Variants in WARS2 observed in about 807,000 individuals in gnomAD.
WARS2 encodes tryptophan--tRNA ligase, mitochondrial.
Under a neutral mutation model 36.5 loss-of-function variants are expected in WARS2, and 28 were observed. The ratio of observed to expected loss-of-function variants is 0.77; its 90% CI spans 0.57 to 1.05. The LOEUF (loss-of-function observed/expected upper bound fraction) is 1.05, where lower values mean the gene tolerates loss of function less well. Among genes scored for constraint, WARS2 ranks in the 50% least tolerant of loss-of-function variants. The pLI, the probability that WARS2 is intolerant of heterozygous loss-of-function variation, is 0.00. For synonymous variants in WARS2, 174 were observed against 178.4 expected, an observed-to-expected ratio of 0.98 and a Z score of 0.20; for missense variants, 435 against 456.8, an observed-to-expected ratio of 0.95 and a Z score of 0.44.
chr1:119,091,860 T>C (rs1168925251), intron 1 of WARS2, among the ~76,000 whole-genome samples: 1 of 152,220 alleles, frequency 6.6e-6, no homozygotes, highest in Non-Finnish European at 1.5e-5. Context: ...GAAGCCGCTG[T>C]GCTGAGGACA....
At chr1:119,037,166 G>T (rs1647955069) in intron 4 of WARS2, among the ~76,000 whole-genome samples, 1 of 151,352 alleles carries the variant, frequency 6.6e-6, no homozygotes, top group Non-Finnish European at 1.5e-5. Context: ...AAGTTACTCT[G>T]ACTGTGCTTT....
At chr1:119,033,987 G>T in intron 5 of WARS2, 108 bp downstream of exon 5, 1 of 891,054 alleles carries the variant, frequency 1.1e-6, no homozygotes, top group Non-Finnish European at 1.8e-6. Context: ...CCTGAAGCCT[G>T]TCTACAAGAA....
At chr1:119,090,416 T>A (rs1269804786) in intron 1 of WARS2, among the ~76,000 whole-genome samples, 2 of 152,168 alleles carry the variant, frequency 1.3e-5, no homozygotes, top group Admixed American at 1.3e-4. Context: ...GAAGGTTCTA[T>A]ATAGACATTT....
intron 3 of WARS2, among the ~76,000 whole-genome samples, chr1:119,045,241 A>G (rs1258265534): frequency 6.6e-6 from 1 of 152,174 alleles, no homozygotes; most frequent in East Asian, 1.9e-4. Flanking sequence ...AGTTAATTCC[A>G]GTGGAAATGG....
At chr1:119,057,503 A>G (rs540736080) in intron 2 of WARS2, among the ~76,000 whole-genome samples, 4 of 151,792 alleles carry the variant, frequency 2.6e-5, no homozygotes, top group African/African-American at 4.8e-5. Flanking sequence ...TTAAAATATT[A>G]GCATGGCCGA....
chr1:119,124,651 G>A lies in WARS2; in HGVS notation c.90+15904C>T, dbSNP rs143722536. ...CTTGAATCCTGTAGCCTCTTACTTGGTCTCCTTGCTTCTATTCTTGTTCCT... is the reference window on the plus strand; with the variant it reads ...CTTGAATCCTGTAGCCTCTTACTTGATCTCCTTGCTTCTATTCTTGTTCCT... On this transcript the variant is annotated intron_variant, in intron 1 of 5. Coordinates refer to ENST00000235521, the MANE Select transcript of WARS2 (RefSeq NM_015836.4). 5.9e-3 allele frequency among the ~76,000 whole-genome samples: 894 copies of A among 152,134 alleles called. 6 individuals carry two copies. The highest frequency in any genetic ancestry group is 0.017 in the Middle Eastern group (5 of 292).
At chr1:119,041,638 CAT>C (rs1648375858) in intron 4 of WARS2, among the ~76,000 whole-genome samples, 3 of 152,220 alleles carry the variant, frequency 2.0e-5, no homozygotes, top group Non-Finnish European at 2.9e-5. Context: ...AATAGCCACA[CAT>C]GTGGCTACTG....
rs140949061 is a variant in WARS2 at position 119,053,036 on chromosome 1, A to C, written c.349-7374T>G. On this transcript the variant is annotated intron_variant, in intron 2 of 5. Transcript: ENST00000235521. ...GACAAGTCCAACATCAGTGGGACAGAAAGAGATGCCTCTCCCACAGGAGAA... is the reference window on the plus strand; with the variant it reads ...GACAAGTCCAACATCAGTGGGACAGCAAGAGATGCCTCTCCCACAGGAGAA... Among the ~76,000 whole-genome samples the C allele has an allele frequency of 1.6e-4, 24 of 152,324 alleles. No individual in the cohort carries two copies. In the East Asian group the frequency reaches 3.7e-3, roughly 23 times the overall value.
intron 1 of WARS2, among the ~76,000 whole-genome samples, chr1:119,115,101 CACTT>C (rs1165918202): frequency 1.3e-5 from 2 of 152,162 alleles, no homozygotes; most frequent in Non-Finnish European, 1.5e-5. Flanking sequence ...CACTTACAAA[CACTT>C]AATACAATTT....
intron 1 of WARS2, among the ~76,000 whole-genome samples, chr1:119,094,683 G>A (rs373357336): frequency 4.2e-4 from 64 of 152,064 alleles, no homozygotes; most frequent in Middle Eastern, 3.4e-3. Flanking sequence ...AATTTCTTTT[G>A]TTTTTATGTC....
chr1:119,055,848 T>A (rs193100703), intron 2 of WARS2, among the ~76,000 whole-genome samples: 5 of 151,892 alleles, frequency 3.3e-5, no homozygotes, highest in Non-Finnish European at 5.9e-5. Flanking sequence ...TTTTGGGGGA[T>A]TAAAGAAAAG....
intron 2 of WARS2, chr1:119,063,489 G>GAA (rs1285591433): frequency 6.6e-6 from 1 of 152,088 alleles, no homozygotes. Context: ...AGACCATGGG[G>GAA]AAAATGTCTC....
chr1:119,043,216 C>T (rs983539322), intron 3 of WARS2, among the ~76,000 whole-genome samples: 4 of 152,156 alleles, frequency 2.6e-5, no homozygotes, highest in African/African-American at 9.7e-5. Flanking sequence ...GTTTCAAGGC[C>T]TAAGGTATAG....
intron 1 of WARS2, chr1:119,085,674 A>G (rs1290526467): frequency 1.4e-6 from 2 of 1,433,434 alleles, no homozygotes; most frequent in Non-Finnish European, 9.8e-7. Context: ...AAAATTGTCA[A>G]TGGCCAGAAT....
At chr1:119,050,744 C>A (rs987271383) in intron 2 of WARS2, among the ~76,000 whole-genome samples, 3 of 151,744 alleles carry the variant, frequency 2.0e-5, no homozygotes, top group Non-Finnish European at 4.4e-5. Flanking sequence ...AAATTTTAAA[C>A]CATACAAACA....
At chr1:119,082,497 A>T in intron 1 of WARS2, 6 of 971,066 alleles carry the variant, frequency 6.2e-6, no homozygotes, top group Non-Finnish European at 7.3e-6. Context: ...GGACACTGCT[A>T]AGTTAAATAA....
chr1:119,037,312 A>G (rs927227899), intron 4 of WARS2, among the ~76,000 whole-genome samples: 2 of 138,426 alleles, frequency 1.4e-5, no homozygotes, highest in Non-Finnish European at 3.2e-5. Context: ...CATCTATGAT[A>G]CTTGAGATCA....
At chr1:119,085,133 G>T in intron 1 of WARS2, 1 of 783,810 alleles carries the variant, frequency 1.3e-6, no homozygotes. Flanking sequence ...CGTTGTACGG[G>T]CTAGAAAGTG....
chr1:119,122,953 C>A (rs1655423398), intron 1 of WARS2, among the ~76,000 whole-genome samples: 1 of 152,066 alleles, frequency 6.6e-6, no homozygotes, highest in Admixed American at 6.6e-5. Context: ...AAAATCAGCT[C>A]TCTGAGGATA....
Sources: allele counts gnomAD v4.1 joint callset (sites outside exome capture counted in the v4.1 genomes callset), GRCh38; gene constraint gnomAD v4.1.1; transcripts MANE v1.5; gene names NCBI Gene and HGNC (gene_info 2026-07-23, HGNC 2026-07-21).